LSAMP: variants seen among roughly 807,000 people sequenced by gnomAD.
The protein encoded by LSAMP is limbic system associated membrane protein.
In LSAMP, 7 loss-of-function variants were observed where a neutral mutation model predicts 38.6. The ratio of observed to expected loss-of-function variants is 0.18; its 90% CI spans 0.10 to 0.34. The LOEUF (loss-of-function observed/expected upper bound fraction) is 0.34. LSAMP is among the 10% of genes least tolerant of loss of function. The pLI, the probability that LSAMP is intolerant of heterozygous loss-of-function variation, is 1.00. For synonymous variants in LSAMP, 154 were observed against 166.8 expected (o/e 0.92, Z 0.59); for missense variants, 313 against 420.0 (o/e 0.75, Z 2.23).
chr3:116,252,524 T>C (rs1019827545), intron 1 of LSAMP, among the ~76,000 whole-genome samples: 2 of 151,778 alleles, frequency 1.3e-5, no homozygotes, highest in Admixed American at 6.6e-5. Flanking sequence ...CTCAATAATG[T>C]ATGAAAAAAA....
At chr3:115,938,576 C>G (rs1189431178) in intron 3 of LSAMP, among the ~76,000 whole-genome samples, 3 of 152,182 alleles carry the variant, frequency 2.0e-5, no homozygotes, top group African/African-American at 7.2e-5. Context: ...CCAATCCACT[C>G]CGTCTTTGGT....
intron 1 of LSAMP, among the ~76,000 whole-genome samples, chr3:116,292,545 A>G (rs941462229): frequency 9.2e-5 from 14 of 152,184 alleles, no homozygotes; most frequent in Non-Finnish European, 1.9e-4. Flanking sequence ...TGAATTTTCC[A>G]GGGTTGTCCT....
intron 1 of LSAMP, among the ~76,000 whole-genome samples, chr3:116,168,164 C>T (rs957099118): frequency 6.6e-6 from 1 of 152,152 alleles, no homozygotes; most frequent in African/African-American, 2.4e-5. Context: ...ACAAAGAACT[C>T]CACCAGCCCA....
chr3:116,169,129 CA>C, intron 1 of LSAMP, among the ~76,000 whole-genome samples: 1 of 152,224 alleles, frequency 6.6e-6, no homozygotes, highest in African/African-American at 2.4e-5. Flanking sequence ...CCCTTGAGCC[CA>C]GGAGTTCCAT....
rs879488463 is a variant in LSAMP, at chr3:116,351,079, C to CT, written c.155+93797dup. On this transcript the variant is annotated intron_variant, in intron 1 of 6. Transcript: ENST00000490035. ...CTCGGTACTTTTTGTAAAGAAACCT[C>CT]TTTTTTTTTCAGCCCTGAAAGTTTC... 1.7e-4 allele frequency among the ~76,000 whole-genome samples: 25 copies of CT among 150,690 alleles called. No individual in the cohort carries two copies. The East Asian group carries it at 1.8e-3, about 11-fold the overall frequency.
At chr3:116,305,649 T>A (rs1330745753) in intron 1 of LSAMP, among the ~76,000 whole-genome samples, 1 of 151,958 alleles carries the variant, frequency 6.6e-6, no homozygotes, top group Non-Finnish European at 1.5e-5. Context: ...CACAAAAAAA[T>A]TTCTTAATTC....
chr3:116,017,357 C>T (rs1251942942), intron 3 of LSAMP, among the ~76,000 whole-genome samples: 3 of 152,090 alleles, frequency 2.0e-5, no homozygotes, highest in Non-Finnish European at 4.4e-5. Flanking sequence ...TAGAATCTTT[C>T]TTCCTTTCTA....
chr3:116,405,559 A>C (rs1359839327), intron 1 of LSAMP, among the ~76,000 whole-genome samples: 1 of 152,102 alleles, frequency 6.6e-6, no homozygotes, highest in African/African-American at 2.4e-5. Context: ...CTTGACTTTA[A>C]ATGAACAACA....
chr3:115,861,268 A>G (rs774742077), intron 3 of LSAMP, among the ~76,000 whole-genome samples: 1 of 150,338 alleles, frequency 6.7e-6, no homozygotes, highest in Non-Finnish European at 1.5e-5. Context: ...TCGTATGAAA[A>G]TTCTATTTGT....
At chr3:116,342,247 G>A (rs546424746) in intron 1 of LSAMP, among the ~76,000 whole-genome samples, 1 of 152,098 alleles carries the variant, frequency 6.6e-6, no homozygotes, top group South Asian at 2.1e-4. Flanking sequence ...TTTGTGTACT[G>A]TGGTTTCAGT....
At chr3:115,816,592 TA>T in intron 6 of LSAMP, 2 of 1,278,300 alleles carry the variant, frequency 1.6e-6, no homozygotes, top group Non-Finnish European at 2.0e-6. Context: ...ATATGGAAGG[TA>T]ACCAAAAATA....
intron 1 of LSAMP, among the ~76,000 whole-genome samples, chr3:116,293,901 A>G (rs186479263): frequency 1.3e-5 from 2 of 152,212 alleles, no homozygotes; most frequent in Admixed American, 1.3e-4. Flanking sequence ...CTCTCAGGTG[A>G]CATGCAACAT....
At chr3:116,109,735 C>G (rs13082171) in intron 1 of LSAMP, among the ~76,000 whole-genome samples, 3 of 151,568 alleles carry the variant, frequency 2.0e-5, no homozygotes, top group Non-Finnish European at 4.4e-5. Context: ...CTTGAGAACA[C>G]AGGCTGAGGG....
At chr3:116,194,231 A>G (rs1314487750) in intron 1 of LSAMP, among the ~76,000 whole-genome samples, 1 of 152,198 alleles carries the variant, frequency 6.6e-6, no homozygotes, top group Non-Finnish European at 1.5e-5. Flanking sequence ...CATGGCTCCC[A>G]TGGGAGACCT....
At chr3:116,303,061 A>G (rs2047435832) in intron 1 of LSAMP, among the ~76,000 whole-genome samples, 1 of 151,938 alleles carries the variant, frequency 6.6e-6, no homozygotes, top group Non-Finnish European at 1.5e-5. Context: ...TTTTTTTTTG[A>G]ACTATGAAAT....
intron 1 of LSAMP, among the ~76,000 whole-genome samples, chr3:116,138,210 C>T (rs1308588557): frequency 6.6e-6 from 1 of 152,068 alleles, no homozygotes; most frequent in Admixed American, 6.6e-5. Flanking sequence ...TATTATGTCA[C>T]ACAAGCTAAA....
chr3:116,300,860 C>T (rs181040977), intron 1 of LSAMP, among the ~76,000 whole-genome samples: 1 of 152,056 alleles, frequency 6.6e-6, no homozygotes, highest in Non-Finnish European at 1.5e-5. Flanking sequence ...GTAATATTCA[C>T]AAAAGACCAA....
intron 3 of LSAMP, among the ~76,000 whole-genome samples, chr3:115,861,146 C>T (rs1018287893): frequency 1.1e-3 from 33 of 29,866 alleles, no homozygotes; most frequent in East Asian, 7.1e-3. Context: ...TCCTTCCTTC[C>T]TTCCTTCCTT....
chr3:116,149,712 G>A (rs965887361), intron 1 of LSAMP, among the ~76,000 whole-genome samples: 2 of 151,964 alleles, frequency 1.3e-5, no homozygotes, highest in Non-Finnish European at 2.9e-5. Context: ...ATCTGAATAT[G>A]TACTGTTACT....
Sources: allele counts gnomAD v4.1 joint callset (sites outside exome capture counted in the v4.1 genomes callset), GRCh38; gene constraint gnomAD v4.1.1; transcripts MANE v1.5; gene names NCBI Gene and HGNC (gene_info 2026-07-23, HGNC 2026-07-21).